Variants in TCF7L2 observed in about 807,000 individuals in gnomAD.
TCF7L2 encodes transcription factor 7-like 2.
A neutral mutation model predicts 77.9 loss-of-function variants in TCF7L2; 23 were observed. The ratio of observed to expected loss-of-function variants is 0.30; its 90% CI spans 0.21 to 0.42. The LOEUF (loss-of-function observed/expected upper bound fraction) is 0.42, where lower values mean the gene tolerates loss of function less well. Among genes scored for constraint, TCF7L2 ranks in the 10% least tolerant of loss-of-function variants. TCF7L2 has a pLI of 1.00. For synonymous variants in TCF7L2, 413 were observed against 340.2 expected, an observed-to-expected ratio of 1.21 and a Z score of -2.36; for missense variants, 654 against 793.1, an observed-to-expected ratio of 0.82 and a Z score of 2.11.
At chr10:112,964,800 T>G (rs1589748193) in intron 4 of TCF7L2, among the ~76,000 whole-genome samples, 176 bp downstream of exon 4, 7 of 29,054 alleles carry the variant, frequency 2.4e-4, no homozygotes, top group South Asian at 1.2e-3. Flanking sequence ...GTGATGGTGG[T>G]GGTGGTGGTG....
intron 5 of TCF7L2, among the ~76,000 whole-genome samples, chr10:113,069,700 G>A (rs1312402764): frequency 6.6e-6 from 1 of 152,196 alleles, no homozygotes; most frequent in African/African-American, 2.4e-5. Flanking sequence ...GACTGTGTAT[G>A]TAGTCAGTGT....
intron 5 of TCF7L2, among the ~76,000 whole-genome samples, chr10:113,117,410 TCTCTCTCTCTCTCTCTCTCTCTCC>T (rs1564916345): frequency 0.02 from 900 of 44,638 alleles, 110 homozygotes; most frequent in Non-Finnish European, 0.022. Flanking sequence ...TCTCTCTCTC[TCTCTCTCTCTCTCTCTCTCTCTCC>T]CTCTCTCTCT....
At chr10:113,042,415 G>C (rs2052612910) in intron 5 of TCF7L2, among the ~76,000 whole-genome samples, 1 of 152,236 alleles carries the variant, frequency 6.6e-6, no homozygotes, top group Non-Finnish European at 1.5e-5. Flanking sequence ...CCATTGCCTA[G>C]AGGGGATGGG....
intron 4 of TCF7L2, among the ~76,000 whole-genome samples, chr10:113,039,356 T>C (rs938162044): frequency 3.5e-4 from 54 of 152,224 alleles, no homozygotes; most frequent in Admixed American, 2.6e-3. Flanking sequence ...TTTTTATCTC[T>C]ATGGTAAACC....
At chr10:112,997,137 A>G (rs2043624703) in intron 4 of TCF7L2, among the ~76,000 whole-genome samples, 1 of 152,200 alleles carries the variant, frequency 6.6e-6, no homozygotes, top group African/African-American at 2.4e-5. Context: ...ATTTTCCTCC[A>G]TTATGAGGGT....
chr10:113,141,172 T>C lies in TCF7L2; in HGVS notation c.553-12T>C, dbSNP rs142423902. 2.7e-4 allele frequency: 438 copies of C among 1,613,580 alleles called. 4 individuals are homozygous for C. In the African/African-American group the frequency reaches 5.3e-3, roughly 20 times the overall value. ...GGCTTGACGGTGTCTTTCTCTGTTCTCCTCCCCACAGTCTAACAAAGTGCC... is the reference window on the plus strand; with the variant it reads ...GGCTTGACGGTGTCTTTCTCTGTTCCCCTCCCCACAGTCTAACAAAGTGCC... On this transcript the variant is annotated splice_polypyrimidine_tract_variant and intron_variant, in intron 5 of 13. Transcript: ENST00000627217.
rs560223948 is a variant in TCF7L2, at chr10:112,986,937, A to G, written c.450+22313A>G. On this transcript the variant is annotated intron_variant, in intron 4 of 13. Transcript: ENST00000627217. ...TGCTCCTGGGCTTTTTCTTGCAGAT[A>G]TTGGTGGGTGAAGACATGCATTGAA... Among the ~76,000 whole-genome samples the G allele has an allele frequency of 3.3e-5, 5 of 152,218 alleles. No individual in the cohort carries two copies. In the South Asian group the frequency reaches 1.0e-3, roughly 32 times the overall value.
At chr10:112,960,519 A>C (rs1438967596) in intron 3 of TCF7L2, among the ~76,000 whole-genome samples, 1 of 152,134 alleles carries the variant, frequency 6.6e-6, no homozygotes, top group Non-Finnish European at 1.5e-5. Context: ...TGGAGTTCTC[A>C]TCTGGTGACT....
chr10:113,063,896 GT>G (rs1265663307), intron 5 of TCF7L2, among the ~76,000 whole-genome samples: 5 of 100,284 alleles, frequency 5.0e-5, no homozygotes, highest in Non-Finnish European at 2.3e-5. Flanking sequence ...GATGTGGCGT[GT>G]GTGTGTGTGT....
intron 5 of TCF7L2, among the ~76,000 whole-genome samples, chr10:113,073,878 C>T (rs530837085): frequency 1.3e-5 from 2 of 152,280 alleles, no homozygotes; most frequent in East Asian, 1.9e-4. Context: ...GAGTTGCTGG[C>T]GCAGCGTCCA....
At chr10:112,994,805 TA>T (rs932670344) in intron 4 of TCF7L2, among the ~76,000 whole-genome samples, 5 of 150,702 alleles carry the variant, frequency 3.3e-5, no homozygotes, top group Non-Finnish European at 4.4e-5. Flanking sequence ...GAGACCCTGT[TA>T]AAAAAAAAGA....
In TCF7L2 at chr10:113,048,669, G is replaced by A. The variant is rs74157205; in HGVS notation, c.552+8543G>A. On this transcript the variant is annotated intron_variant, in intron 5 of 13. Transcript: ENST00000627217. ...TATACATTCCAGCTCACAGTGGAGC[G>A]TGTCTAATTGCCACAGCAGCATTTA... Among the ~76,000 whole-genome samples, 748 of 152,272 alleles carry A rather than the reference G, an allele frequency of 4.9e-3. 5 individuals carry two copies. Among genetic ancestry groups the A allele is most frequent in the African/African-American group, 0.017 (700 of 41,548 alleles).
At chr10:113,048,111 C>T (rs758224755) in intron 5 of TCF7L2, among the ~76,000 whole-genome samples, 2 of 152,066 alleles carry the variant, frequency 1.3e-5, no homozygotes, top group Admixed American at 6.5e-5. Context: ...CTTCCCAGGA[C>T]GAGGGGCAAG....
intron 4 of TCF7L2, among the ~76,000 whole-genome samples, chr10:112,977,875 G>T (rs1233078879): frequency 1.3e-5 from 2 of 152,180 alleles, no homozygotes; most frequent in African/African-American, 4.8e-5. Context: ...GCCTGCTGTC[G>T]GGGAGCAGCG....
intron 4 of TCF7L2, among the ~76,000 whole-genome samples, chr10:112,996,835 C>T (rs534237982): frequency 1.3e-5 from 2 of 152,338 alleles, no homozygotes; most frequent in South Asian, 4.1e-4. Context: ...GTGGGAATTT[C>T]TACAGCTTTG....
chr10:113,117,366 T>C (rs969804993), intron 5 of TCF7L2, among the ~76,000 whole-genome samples: 2 of 4,306 alleles, frequency 4.6e-4, no homozygotes, highest in East Asian at 7.2e-3. Context: ...GAAGGGATTT[T>C]CTCTCTCTCT....
At chr10:113,094,252 T>G (rs2060702226) in intron 5 of TCF7L2, among the ~76,000 whole-genome samples, 2 of 152,206 alleles carry the variant, frequency 1.3e-5, no homozygotes, top group Non-Finnish European at 1.5e-5. Flanking sequence ...GAAATGAAAC[T>G]TTTCTTGGGT....
At chr10:113,031,480 CTTTTTTTTTT>C in intron 4 of TCF7L2, among the ~76,000 whole-genome samples, 1 of 134,870 alleles carries the variant, frequency 7.4e-6, no homozygotes, top group East Asian at 2.1e-4. Flanking sequence ...ACTGTGCAAC[CTTTTTTTTTT>C]TTTTTTTTTC....
At chr10:113,070,255 A>T (rs1213213674) in intron 5 of TCF7L2, among the ~76,000 whole-genome samples, 1 of 86,130 alleles carries the variant, frequency 1.2e-5, no homozygotes, top group African/African-American at 4.4e-5. Flanking sequence ...ACTCCGTCTT[A>T]AAAAAAAAAA....
Sources: gnomAD v4.1 joint callset for allele counts (sites outside exome capture counted in the v4.1 genomes callset) on GRCh38, gnomAD v4.1.1 for gene constraint, MANE v1.5 for transcripts, NCBI Gene and HGNC (gene_info 2026-07-23, HGNC 2026-07-21) for gene names.